Variants in ZC3HAV1 observed in about 807,000 individuals in gnomAD.
ZC3HAV1 encodes the protein zinc finger CCCH-type antiviral protein 1.
In ZC3HAV1, 41 loss-of-function variants were observed where a neutral mutation model predicts 86.6. The ratio of observed to expected loss-of-function variants is 0.47; its 90% CI spans 0.37 to 0.61. The LOEUF (loss-of-function observed/expected upper bound fraction) is 0.61, where lower values mean the gene tolerates loss of function less well. ZC3HAV1 is among the 20% of genes least tolerant of loss of function. The pLI is 0.00. For synonymous variants in ZC3HAV1, 421 were observed against 432.1 expected, an observed-to-expected ratio of 0.97 and a Z score of 0.32; for missense variants, 964 against 1,141.1, an observed-to-expected ratio of 0.84 and a Z score of 2.24.
At chr7:139,069,278 C>A (rs552909599) in intron 7 of ZC3HAV1, among the ~76,000 whole-genome samples, 21 of 152,250 alleles carry the variant, frequency 1.4e-4, no homozygotes, top group Admixed American at 8.5e-4. Flanking sequence ...ATCACACAGC[C>A]GTCAATTATT....
At chr7:139,066,140 T>C (rs567548853) in intron 7 of ZC3HAV1, among the ~76,000 whole-genome samples, 2 of 152,234 alleles carry the variant, frequency 1.3e-5, no homozygotes, top group East Asian at 3.9e-4. Context: ...GGGTTCCCAG[T>C]ATTTAATGGT....
chr7:139,076,667 G>A (rs939833806), intron 5 of ZC3HAV1, among the ~76,000 whole-genome samples: 9 of 152,038 alleles, frequency 5.9e-5, no homozygotes, highest in African/African-American at 1.5e-4. Flanking sequence ...CGAAACAGGC[G>A]GATCATTTGA....
chr7:139,079,858 G>A lies in ZC3HAV1; in HGVS notation c.1083C>T (p.Ser361=), dbSNP rs768822061. The A allele has an allele frequency of 5.0e-6, 8 of 1,614,024 alleles. No individual in the cohort carries two copies. In the East Asian group the frequency reaches 1.8e-4, roughly 36 times the overall value. Residue 361 remains serine (S), a synonymous_variant, in exon 4 of 13, where the codon AGC becomes AGT. Coordinates refer to ENST00000242351, the MANE Select transcript of ZC3HAV1 (RefSeq NM_020119.4). Reference sequence around the variant, plus strand: ...CTTGGTCATTCGTCCAGGATGTGAGGCTCTTCCAGTTGGGGGCTGATGTTG... The same window carrying A: ...CTTGGTCATTCGTCCAGGATGTGAGACTCTTCCAGTTGGGGGCTGATGTTG... ...SNSTSAPNWK[S]LTSWTNDQGA... is the part of the protein sequence containing the mutation.
chr7:139,098,934 C>A (rs1235530309), intron 1 of ZC3HAV1, among the ~76,000 whole-genome samples: 6 of 152,110 alleles, frequency 3.9e-5, no homozygotes, highest in Non-Finnish European at 8.8e-5. Context: ...TAAATACAGG[C>A]AGAAGCAGTA....
rs768317687 is a variant in ZC3HAV1, at chr7:139,045,713, G to A, written c.*1881C>T. On this transcript the variant is annotated 3_prime_UTR_variant, in exon 13 of 13. Coordinates refer to ENST00000242351, the MANE Select transcript of ZC3HAV1 (RefSeq NM_020119.4). Reference sequence around the variant, plus strand: ...TGGACATATTGAATCAAAGATGCCTGTGAAATATCCAGCTAGTGGTGTCTA... The same window carrying A: ...TGGACATATTGAATCAAAGATGCCTATGAAATATCCAGCTAGTGGTGTCTA... 1 of 152,018 alleles carries A rather than the reference G, an allele frequency of 6.6e-6. No individual in the cohort carries two copies. The highest frequency in any genetic ancestry group is 2.4e-5 in the African/African-American group (1 of 41,382). 9.4% of individuals were successfully genotyped at this position (152,018 alleles called of 1,614,324 possible).
intron 1 of ZC3HAV1, among the ~76,000 whole-genome samples, chr7:139,094,469 G>A (rs1817522241): frequency 6.6e-6 from 1 of 150,452 alleles, no homozygotes; most frequent in Non-Finnish European, 1.5e-5. Context: ...CAAACAAAGA[G>A]GGCGAGTTGC....
At chr7:139,095,633 G>A (rs1192382039) in intron 1 of ZC3HAV1, among the ~76,000 whole-genome samples, 1 of 152,212 alleles carries the variant, frequency 6.6e-6, no homozygotes, top group African/African-American at 2.4e-5. Flanking sequence ...GATAGGGGAG[G>A]CCGGAGGCCA....
intron 5 of ZC3HAV1, 111 bp from the exon 6 acceptor site, chr7:139,076,520 C>A (rs1003713780): frequency 7.1e-7 from 1 of 1,408,410 alleles, no homozygotes; most frequent in Non-Finnish European, 9.7e-7. Context: ...CCCTGCCAGA[C>A]AGGTTCCATC....
intron 1 of ZC3HAV1, among the ~76,000 whole-genome samples, chr7:139,095,609 C>T (rs1817562293): frequency 6.6e-6 from 1 of 152,218 alleles, no homozygotes. Context: ...GCAGAGGAGG[C>T]TGGGCCCGCT....
At chr7:139,097,428 A>ATTTTTTTTTTTTTTTTT (rs11291842) in intron 1 of ZC3HAV1, among the ~76,000 whole-genome samples, 14 of 48,158 alleles carry the variant, frequency 2.9e-4, no homozygotes, top group South Asian at 9.4e-4. Flanking sequence ...ATATATATAT[A>ATTTTTTTTTTTTTTTTT]TTTTTTTTTT....
chr7:139,058,845 C>G (rs1260878872), intron 9 of ZC3HAV1, among the ~76,000 whole-genome samples: 1 of 151,974 alleles, frequency 6.6e-6, no homozygotes, highest in African/African-American at 2.4e-5. Context: ...CAATTTTTTC[C>G]CCTAGAAATA....
At chr7:139,098,302 A>C (rs1469324065) in intron 1 of ZC3HAV1, among the ~76,000 whole-genome samples, 3 of 152,232 alleles carry the variant, frequency 2.0e-5, no homozygotes, top group African/African-American at 7.2e-5. Context: ...AATTGATTTT[A>C]AAAAGTTTTA....
chr7:139,098,317 G>A (rs780782355), intron 1 of ZC3HAV1, among the ~76,000 whole-genome samples: 11 of 152,182 alleles, frequency 7.2e-5, no homozygotes, highest in Non-Finnish European at 1.5e-4. Context: ...GTTTTAAAAA[G>A]TAGAACAGTA....
intron 5 of ZC3HAV1, among the ~76,000 whole-genome samples, chr7:139,077,027 G>A (rs1816973238): frequency 6.6e-6 from 1 of 151,980 alleles, no homozygotes; most frequent in South Asian, 2.1e-4. Flanking sequence ...AAGCCAAAAT[G>A]CTCTCCAGCA....
At chr7:139,059,828 A>C (rs572833433) in intron 9 of ZC3HAV1, among the ~76,000 whole-genome samples, 39 of 152,218 alleles carry the variant, frequency 2.6e-4, no homozygotes, top group Non-Finnish European at 4.1e-4. Flanking sequence ...CAGGGGAATA[A>C]AAATAATAAT....
chr7:139,047,938 G>A (rs1285391246), intron 12 of ZC3HAV1, 85 bp from the exon 13 acceptor site: 7 of 1,380,622 alleles, frequency 5.1e-6, no homozygotes, highest in Non-Finnish European at 6.9e-6. Flanking sequence ...AGTCAGATGG[G>A]TGTGGACTAA....
At chr7:139,071,180 C>G (rs893615142) in intron 7 of ZC3HAV1, among the ~76,000 whole-genome samples, 2 of 151,410 alleles carry the variant, frequency 1.3e-5, no homozygotes, top group Non-Finnish European at 2.9e-5. Flanking sequence ...CACTGCAACC[C>G]CTACCTCCTT....
chr7:139,108,863 G>A lies in ZC3HAV1; in HGVS notation c.308+161C>T, dbSNP rs927483960. On this transcript the variant is annotated intron_variant, in intron 1 of 12. Coordinates refer to ENST00000242351, the MANE Select transcript of ZC3HAV1 (RefSeq NM_020119.4). The surrounding 1 kb of genome is among the most constrained non-coding windows in gnomAD (Gnocchi z 4.2). Reference sequence around the variant, plus strand: ...CTGCAAAGGTAGAAGCGCGGGCCCTGCAGAGGCTCCCAGAGGGGAGCAGAG... The same window carrying A: ...CTGCAAAGGTAGAAGCGCGGGCCCTACAGAGGCTCCCAGAGGGGAGCAGAG... Among the ~76,000 whole-genome samples, 3 of 152,212 alleles carry A rather than the reference G, an allele frequency of 2.0e-5. No individual in the cohort carries two copies. The highest frequency in any genetic ancestry group is 4.4e-5 in the Non-Finnish European group (3 of 68,030).
intron 9 of ZC3HAV1, among the ~76,000 whole-genome samples, chr7:139,059,980 C>G (rs1816397809): frequency 6.6e-6 from 1 of 152,244 alleles, no homozygotes; most frequent in East Asian, 1.9e-4. Flanking sequence ...ATCCACACAG[C>G]TAATGGGTGG....
Sources: allele counts gnomAD v4.1 joint callset (sites outside exome capture counted in the v4.1 genomes callset), GRCh38; gene constraint gnomAD v4.1.1; non-coding constraint Gnocchi (gnomAD v3.1); transcripts MANE v1.5; gene names NCBI Gene and HGNC (gene_info 2026-07-23, HGNC 2026-07-21).